Variants in CCSAP observed in about 807,000 individuals in gnomAD.
CCSAP encodes centriole, cilia and spindle associated protein.
In CCSAP, 17 loss-of-function variants were observed where a neutral mutation model predicts 25.9. The ratio of observed to expected loss-of-function variants is 0.66; its 90% confidence interval spans 0.45 to 0.99. The LOEUF (loss-of-function observed/expected upper bound fraction) is 0.99, where lower values mean the gene tolerates loss of function less well. Among genes scored for constraint, CCSAP ranks in the 50% least tolerant of loss-of-function variants. CCSAP has a pLI of 0.00. For missense variants in CCSAP, 339 were observed against 367.8 expected, an observed-to-expected ratio of 0.92 and a Z score of 0.64; for synonymous variants, 169 against 157.1, an observed-to-expected ratio of 1.08 and a Z score of -0.57.
rs55718200 is a variant in CCSAP, at chr1:229,338,538, AACACAC to A, written c.367+3555_367+3560del. Among the ~76,000 whole-genome samples the A allele has an allele frequency of 3.7e-3, 527 of 141,904 alleles. 4 individuals carry two copies. Among genetic ancestry groups the A allele is most frequent in the African/African-American group, 0.012 (439 of 38,110 alleles). 93.1% of individuals were successfully genotyped at this position (141,904 alleles called of 152,430 possible). On this transcript the variant is annotated intron_variant, in intron 2 of 3. Coordinates refer to ENST00000284617, the MANE Select transcript of CCSAP (RefSeq NM_145257.5). ...ACAAGCACTTCCACCCCCAAACCCC[AACACAC>A]ACACACACACACACACACACACACA... is the stretch of plus-strand genomic sequence containing the variant.
chr1:229,335,331 A>G (rs1658172529), intron 2 of CCSAP, among the ~76,000 whole-genome samples: 1 of 152,070 alleles, frequency 6.6e-6, no homozygotes, highest in Non-Finnish European at 1.5e-5. Flanking sequence ...AAGAAAGAAA[A>G]AAAAAATGAA....
rs1658366086 is a variant in CCSAP, at chr1:229,342,577, C to A, written c.-48-64G>T. On this transcript the variant is annotated intron_variant, in intron 1 of 3. Transcript: ENST00000284617. This position sits in a 1 kb window ranked among gnomAD's most constrained non-coding sequence, Gnocchi z 7.5. ...CCTCCGCCGGCCCTGCCCGCCGCGA[C>A]GTTTAAACCCGGAGCCCCGCCCGGA... 4.3e-6 allele frequency: 3 copies of A among 703,082 alleles called. No individual in the cohort carries two copies. The highest frequency in any genetic ancestry group is 3.5e-5 in the East Asian group (1 of 28,874). The allele number at this position is 703,082 out of a possible 1,614,324, so 43.6% of individuals were successfully genotyped here.
chr1:229,326,621 G>T, intron 3 of CCSAP, 117 bp downstream of exon 3: 1 of 1,230,012 alleles, frequency 8.1e-7, no homozygotes, highest in Non-Finnish European at 1.1e-6. Flanking sequence ...TATCCCCTAA[G>T]ATCTCCCATG....
At chr1:229,327,219 G>C in intron 2 of CCSAP, 1 of 454,238 alleles carries the variant, frequency 2.2e-6, no homozygotes, top group African/African-American at 2.0e-5. Flanking sequence ...AATATACCAA[G>C]ATTGAACCAA....
chr1:229,325,463 T>C (rs1157946951), intron 3 of CCSAP, 52 bp from the exon 4 acceptor site: 1 of 1,544,678 alleles, frequency 6.5e-7, no homozygotes, highest in Non-Finnish European at 8.8e-7. Flanking sequence ...ATTATACTAA[T>C]GTTCAACAGA....
At chr1:229,341,915 A>T (rs1029277635) in intron 2 of CCSAP, among the ~76,000 whole-genome samples, 184 bp downstream of exon 2, 1 of 151,956 alleles carries the variant, frequency 6.6e-6, no homozygotes, top group African/African-American at 2.4e-5. Flanking sequence ...TAATTAAGGA[A>T]ATAAAGGGTG....
At chr1:229,331,596 G>T (rs928380513) in intron 2 of CCSAP, among the ~76,000 whole-genome samples, 1 of 151,746 alleles carries the variant, frequency 6.6e-6, no homozygotes, top group African/African-American at 2.4e-5. Context: ...TCAGGGGCAG[G>T]CCCCCAGAAA....
intron 2 of CCSAP, among the ~76,000 whole-genome samples, chr1:229,337,706 C>CATATATATATATATATATATAT (rs397733324): frequency 1.1e-5 from 1 of 88,624 alleles, no homozygotes; most frequent in Non-Finnish European, 2.2e-5. Context: ...TATACACATA[C>CATATATATATATATATATATAT]ATATATATAT....
In CCSAP at chr1:229,340,618, T is replaced by C. The variant is rs142932719; in HGVS notation, c.367+1481A>G. The C allele has an allele frequency of 3.2e-3, 1,721 of 529,986 alleles. 35 individuals are homozygous for C. In the Admixed American group the frequency reaches 0.035, roughly 11 times the overall value. The allele number at this position is 529,986 out of a possible 1,614,324, so 32.8% of individuals were successfully genotyped here. ...TCCCTACCCCCTCCACCTTCTGTTATTTGCATTTCTAGCAGTGATCACTGA... is the reference window on the plus strand; with the variant it reads ...TCCCTACCCCCTCCACCTTCTGTTACTTGCATTTCTAGCAGTGATCACTGA... On this transcript the variant is annotated intron_variant, in intron 2 of 3. Coordinates refer to ENST00000284617, the MANE Select transcript of CCSAP (RefSeq NM_145257.5).
At chr1:229,336,240 A>G (rs1457563831) in intron 2 of CCSAP, among the ~76,000 whole-genome samples, 1 of 151,322 alleles carries the variant, frequency 6.6e-6, no homozygotes, top group Non-Finnish European at 1.5e-5. Flanking sequence ...ACACTTCTAT[A>G]TTCTTTCCCC....
rs1658261942 is a variant in CCSAP at position 229,338,785 on chromosome 1, A to AC, written c.367+3313dup. The stretch of plus-strand genomic sequence containing the variant: ...TAATATATATCCTCAGTAAGATAAA[A>AC]CCCTACATGCATCAATCAGGAACCA... On this transcript the variant is annotated intron_variant, in intron 2 of 3. Transcript: ENST00000284617. Among the ~76,000 whole-genome samples, 5 of 152,278 alleles carry AC rather than the reference A, an allele frequency of 3.3e-5. No homozygotes were observed. The South Asian group carries it at 1.0e-3, about 32-fold the overall frequency.
intron 2 of CCSAP, chr1:229,327,298 A>G (rs1571850192): frequency 5.8e-6 from 2 of 342,634 alleles, no homozygotes; most frequent in East Asian, 1.5e-4. Context: ...AAAGATAGAC[A>G]GCACCACACC....
chr1:229,330,705 C>T (rs1408861954), intron 2 of CCSAP, among the ~76,000 whole-genome samples: 3 of 151,786 alleles, frequency 2.0e-5, no homozygotes, highest in African/African-American at 7.3e-5. Context: ...ATTAGCCGGG[C>T]GTGGTGGCAG....
At position 229,342,193 on chromosome 1, in the gene CCSAP, C is replaced by T; in HGVS notation, c.273G>A (p.Glu91=). 7.9e-7 allele frequency: 1 copy of T among 1,268,594 alleles called. No homozygotes were observed. The allele number at this position is 1,268,594 out of a possible 1,614,324, so 78.6% of individuals were successfully genotyped here. ...CCCCGCGCGCCCGCCGTTCCGCCTC[C>T]TCCTGGGTCGCCGGCTCTACGGGCG... ...PPPPVEPATQ[E]EAERRARGAP... The change falls in exon 2 of 4, where the codon GAG becomes GAA. Residue 91 remains glutamate, a synonymous_variant. Transcript: ENST00000284617. This position sits in a 1 kb window ranked among gnomAD's most constrained non-coding sequence, Gnocchi z 7.5.
intron 2 of CCSAP, among the ~76,000 whole-genome samples, chr1:229,336,191 G>T (rs1022433219): frequency 6.7e-6 from 1 of 149,292 alleles, no homozygotes; most frequent in African/African-American, 2.5e-5. Context: ...CTAGTTTTAA[G>T]CTACTAATTT....
Position 229,342,219 on chromosome 1 carries a change from GC to G in CCSAP, c.246del (p.Pro83ArgfsTer3). On this transcript the variant is annotated frameshift_variant, in exon 2 of 4. Transcript: ENST00000284617. LOFTEE classifies it high-confidence loss of function. This position sits in a 1 kb window ranked among gnomAD's most constrained non-coding sequence, Gnocchi z 7.5. ...PAPRCAPPSP[P>X]PPVEPATQEE... Reference sequence around the variant, plus strand: ...TCCTGGGTCGCCGGCTCTACGGGCGGCGGGGGCGAGGGCGGGGCGCACCGGG... The same window carrying G: ...TCCTGGGTCGCCGGCTCTACGGGCGGGGGGGCGAGGGCGGGGCGCACCGGG... 1 of 1,253,090 alleles carries G rather than the reference GC, an allele frequency of 8.0e-7. No individual in the cohort carries two copies. The highest frequency in any genetic ancestry group is 1.0e-6 in the Non-Finnish European group (1 of 1,001,334). 77.6% of individuals were successfully genotyped at this position (1,253,090 alleles called of 1,614,324 possible). A position where few individuals can be genotyped will look rare whatever the true frequency, so the allele number is the denominator to read the frequency against.
rs542635509 is a variant in CCSAP at position 229,321,056 on chromosome 1, A to C, written c.*4179T>G. The C allele has an allele frequency of 3.9e-5, 6 of 152,348 alleles. No homozygotes were observed. In the South Asian group the frequency reaches 1.2e-3, roughly 32 times the overall value. The allele number at this position is 152,348 out of a possible 1,614,324, so 9.4% of individuals were successfully genotyped here. ...TATTCACATTTTTCCAAGTAAATAC[A>C]ATATTAACTATAAGCTAAAAACAAT... On this transcript the variant is annotated 3_prime_UTR_variant, in exon 4 of 4. Transcript: ENST00000284617.
At position 229,342,569 on chromosome 1, in the gene CCSAP, C is replaced by T; in HGVS notation, c.-48-56G>A. ...GCCCCGCCCCTCCGCCGGCCCTGCC[C>T]GCCGCGACGTTTAAACCCGGAGCCC... On this transcript the variant is annotated intron_variant, in intron 1 of 3. Transcript: ENST00000284617. The surrounding 1 kb of genome is among the most constrained non-coding windows in gnomAD (Gnocchi z 7.5). 1 of 780,400 alleles carries T rather than the reference C, an allele frequency of 1.3e-6. No individual in the cohort carries two copies. The highest frequency in any genetic ancestry group is 1.7e-6 in the Non-Finnish European group (1 of 575,574). 48.3% of individuals were successfully genotyped at this position (780,400 alleles called of 1,614,324 possible).
intron 2 of CCSAP, among the ~76,000 whole-genome samples, chr1:229,333,745 G>A (rs1658135818): frequency 6.6e-6 from 1 of 152,066 alleles, no homozygotes; most frequent in African/African-American, 2.4e-5. Context: ...GCCAGGCATG[G>A]TTGTGTATGC....
Sources: allele counts gnomAD v4.1 joint callset (sites outside exome capture counted in the v4.1 genomes callset), GRCh38; gene constraint gnomAD v4.1.1; non-coding constraint Gnocchi (gnomAD v3.1); transcripts MANE v1.5; gene names NCBI Gene and HGNC (gene_info 2026-07-23, HGNC 2026-07-21).